ETS1: variants seen among roughly 807,000 people sequenced by gnomAD.
The protein encoded by ETS1 is ETS proto-oncogene 1, transcription factor, also known as protein C-ets-1.
ETS1 carries 15 observed loss-of-function variants against 58.6 expected under a neutral mutation model. That is an observed-to-expected ratio of 0.26 (90% CI 0.17 to 0.39). The LOEUF (loss-of-function observed/expected upper bound fraction) is 0.39. Among genes scored for constraint, ETS1 ranks in the 10% least tolerant of loss-of-function variants. The pLI is 1.00. For synonymous variants in ETS1, 214 were observed against 218.2 expected (o/e 0.98, Z 0.17); for missense variants, 417 against 610.5 (o/e 0.68, Z 3.34).
intron 1 of ETS1, among the ~76,000 whole-genome samples, chr11:128,585,431 T>G (rs946117591): frequency 1.3e-5 from 2 of 152,140 alleles, no homozygotes; most frequent in Non-Finnish European, 2.9e-5. Context: ...AATTTTGAAC[T>G]GGTAATTAGA....
chr11:128,566,369 G>A (rs1023236612), intron 2 of ETS1, among the ~76,000 whole-genome samples: 1 of 152,228 alleles, frequency 6.6e-6, no homozygotes, highest in Non-Finnish European at 1.5e-5. Flanking sequence ...CGCTTGACAA[G>A]CATGTTCTCA....
At chr11:128,516,514 A>G (rs1591635236) in intron 3 of ETS1, among the ~76,000 whole-genome samples, 1 of 152,220 alleles carries the variant, frequency 6.6e-6, no homozygotes, top group East Asian at 1.9e-4. Flanking sequence ...TGTGGGCCCA[A>G]GCATACTAAC....
At chr11:128,581,190 G>T (rs1864863851) in intron 1 of ETS1, among the ~76,000 whole-genome samples, 1 of 152,130 alleles carries the variant, frequency 6.6e-6, no homozygotes, top group African/African-American at 2.4e-5. Context: ...GGACAGAAAG[G>T]TCTTGCTTCT....
At position 128,506,028 on chromosome 11, in the gene ETS1, T is replaced by C. The variant is rs185871429; in HGVS notation, c.215-15452A>G. 8.5e-5 allele frequency among the ~76,000 whole-genome samples: 13 copies of C among 152,306 alleles called. No homozygotes were observed. The East Asian group carries it at 1.7e-3, about 20-fold the overall frequency. ...GAGGGACTGAAAAAGTCCCTTGAGATTGGGGAGATGCAGCGCTCCCCCAGG... is the reference window on the plus strand; with the variant it reads ...GAGGGACTGAAAAAGTCCCTTGAGACTGGGGAGATGCAGCGCTCCCCCAGG... On this transcript the variant is annotated intron_variant, in intron 3 of 9. Transcript: ENST00000392668.
chr11:128,483,481 T>C (rs1354912661), intron 7 of ETS1, among the ~76,000 whole-genome samples: 2 of 152,002 alleles, frequency 1.3e-5, no homozygotes, highest in Non-Finnish European at 2.9e-5. Context: ...AAGAAACACA[T>C]GTACACACAC....
In ETS1 at chr11:128,544,624, C is replaced by T. The variant is rs548704764; in HGVS notation, c.214+11667G>A. Among the ~76,000 whole-genome samples the T allele has an allele frequency of 3.3e-5, 5 of 151,958 alleles. No homozygotes were observed. The South Asian group carries it at 6.2e-4, about 19-fold the overall frequency. The stretch of plus-strand genomic sequence containing the variant: ...AAAGAAATGCTTTTCCTAAAGAATT[C>T]GCACACAAATAATCTCATTACCCCA... On this transcript the variant is annotated intron_variant, in intron 3 of 9. Coordinates refer to ENST00000392668, the MANE Select transcript of ETS1 (RefSeq NM_001143820.2).
chr11:128,500,331 T>A (rs564414814), intron 3 of ETS1, among the ~76,000 whole-genome samples: 3 of 152,312 alleles, frequency 2.0e-5, no homozygotes, highest in South Asian at 2.1e-4. Context: ...CAATTAATGA[T>A]GTTCAGAAAG....
At chr11:128,516,247 A>G (rs1268745939) in intron 3 of ETS1, among the ~76,000 whole-genome samples, 1 of 152,258 alleles carries the variant, frequency 6.6e-6, no homozygotes, top group Non-Finnish European at 1.5e-5. Flanking sequence ...GAAAAAATAA[A>G]GCAGAAAGTA....
intron 3 of ETS1, among the ~76,000 whole-genome samples, chr11:128,524,282 CAGAT>C (rs1863758063): frequency 6.6e-6 from 1 of 152,190 alleles, no homozygotes; most frequent in African/African-American, 2.4e-5. Flanking sequence ...AGTGACAACT[CAGAT>C]AGTCAATCAT....
At chr11:128,557,627 C>G (rs1373408266) in intron 2 of ETS1, among the ~76,000 whole-genome samples, 1 of 152,056 alleles carries the variant, frequency 6.6e-6, no homozygotes, top group Non-Finnish European at 1.5e-5. Context: ...TTCCTGAGAC[C>G]AGGATTCTAA....
chr11:128,548,683 C>A (rs190894014), intron 3 of ETS1, among the ~76,000 whole-genome samples: 1 of 152,250 alleles, frequency 6.6e-6, no homozygotes, highest in Non-Finnish European at 1.5e-5. Context: ...GGGCGAGGTT[C>A]GGGCCGAGGC....
chr11:128,463,440 C>G lies in ETS1; in HGVS notation c.1242+69G>C. ...TCCTGGAACACGTCATTCAGGCCCA[C>G]GCCACCCCTTCCAGGAGTTTTCTCT... is the stretch of plus-strand genomic sequence containing the variant. On this transcript the variant is annotated intron_variant, in intron 9 of 9. Coordinates refer to ENST00000392668, the MANE Select transcript of ETS1 (RefSeq NM_001143820.2). The surrounding 1 kb of genome is among the most constrained non-coding windows in gnomAD (Gnocchi z 4.1). The G allele has an allele frequency of 1.1e-6, 1 of 924,620 alleles. No homozygotes were observed. The highest frequency in any genetic ancestry group is 1.4e-5 in the South Asian group (1 of 72,994). The allele number at this position is 924,620 out of a possible 1,614,324, so 57.3% of individuals were successfully genotyped here.
intron 1 of ETS1, among the ~76,000 whole-genome samples, chr11:128,577,200 T>C (rs1267505016): frequency 6.6e-6 from 1 of 152,200 alleles, no homozygotes; most frequent in Admixed American, 6.5e-5. Context: ...GTAGATCAGA[T>C]GTGAATATAT....
At chr11:128,571,418 C>T (rs1297584603) in intron 2 of ETS1, among the ~76,000 whole-genome samples, 1 of 138,826 alleles carries the variant, frequency 7.2e-6, no homozygotes, top group African/African-American at 2.7e-5. Flanking sequence ...CTCCGTCCAG[C>T]CTGGGCGACA....
In ETS1 at chr11:128,463,678, C is replaced by T. The variant is rs369416585; in HGVS notation, c.1124-51G>A. 12 of 1,003,624 alleles carry T rather than the reference C, an allele frequency of 1.2e-5. No homozygotes were observed. Among genetic ancestry groups the T allele is most frequent in the South Asian group, 5.1e-5 (4 of 78,396 alleles). The allele number at this position is 1,003,624 out of a possible 1,614,324, so 62.2% of individuals were successfully genotyped here. Reference sequence around the variant, plus strand: ...ATTACACCAGATATTCAGCACTCTACGCAGCTAATCCCCACACACGGCACT... The same window carrying T: ...ATTACACCAGATATTCAGCACTCTATGCAGCTAATCCCCACACACGGCACT... On this transcript the variant is annotated intron_variant, in intron 8 of 9. Coordinates refer to ENST00000392668, the MANE Select transcript of ETS1 (RefSeq NM_001143820.2). The surrounding 1 kb of genome is among the most constrained non-coding windows in gnomAD (Gnocchi z 4.1).
chr11:128,496,026 C>T (rs1035387660), intron 3 of ETS1, among the ~76,000 whole-genome samples: 3 of 152,044 alleles, frequency 2.0e-5, no homozygotes, highest in African/African-American at 7.2e-5. Context: ...AATTATACAC[C>T]TAATCCCAGA....
chr11:128,561,415 T>C (rs1454674102), intron 2 of ETS1, among the ~76,000 whole-genome samples: 1 of 152,278 alleles, frequency 6.6e-6, no homozygotes, highest in Non-Finnish European at 1.5e-5. Context: ...TGACTTTATT[T>C]AAAATTTTGA....
intron 3 of ETS1, among the ~76,000 whole-genome samples, chr11:128,508,195 T>C (rs1014961677): frequency 1.3e-5 from 2 of 152,174 alleles, no homozygotes; most frequent in Non-Finnish European, 2.9e-5. Context: ...TAACAACCGC[T>C]GAAGTAATAA....
At chr11:128,576,710 C>T (rs1768246219) in intron 1 of ETS1, among the ~76,000 whole-genome samples, 1 of 152,120 alleles carries the variant, frequency 6.6e-6, no homozygotes, top group Middle Eastern at 3.4e-3. Context: ...CTCTCCAGCC[C>T]CCTCTCGCCG....
Sources: gnomAD v4.1 joint callset for allele counts (sites outside exome capture counted in the v4.1 genomes callset) on GRCh38, gnomAD v4.1.1 for gene constraint, Gnocchi (gnomAD v3.1) non-coding constraint, MANE v1.5 for transcripts, NCBI Gene and HGNC (gene_info 2026-07-23, HGNC 2026-07-21) for gene names.